The following CAMTA1 variants were observed in gnomAD, a reference collection of about 807,000 sequenced individuals.
The protein encoded by CAMTA1 is calmodulin binding transcription activator 1, also known as calmodulin-binding transcription activator 1.
CAMTA1 carries 27 observed loss-of-function variants against 170.9 expected under a neutral mutation model. The observed-to-expected ratio is 0.16, with a 90% CI of 0.12 to 0.22. The LOEUF is 0.22. CAMTA1 is among the 10% of genes least tolerant of loss of function. CAMTA1 has a pLI of 1.00. For missense variants in CAMTA1, 1,619 were observed against 2,217.2 expected (o/e 0.73, Z 5.42); for synonymous variants, 833 against 891.5 (o/e 0.93, Z 1.17).
intron 3 of CAMTA1, among the ~76,000 whole-genome samples, chr1:7,003,301 T>A (rs1255666178): frequency 1.3e-5 from 2 of 152,228 alleles, no homozygotes; most frequent in Non-Finnish European, 2.9e-5. Flanking sequence ...GGGTGTGCCT[T>A]CAGAATAACA....
chr1:7,175,634 T>C (rs1265630770), intron 4 of CAMTA1, among the ~76,000 whole-genome samples: 1 of 152,220 alleles, frequency 6.6e-6, no homozygotes, highest in Non-Finnish European at 1.5e-5. Flanking sequence ...AAACCCCAGG[T>C]CCAAATCCTG....
At chr1:7,160,910 A>G (rs4908602) in intron 4 of CAMTA1, among the ~76,000 whole-genome samples, 89,353 of 151,940 alleles carry the variant, frequency 0.59, 26,554 homozygotes, top group Admixed American at 0.64. Flanking sequence ...TGGTCCAGTC[A>G]TTCACCACTT....
At chr1:7,009,327 C>G (rs1228987795) in intron 3 of CAMTA1, among the ~76,000 whole-genome samples, 1 of 152,128 alleles carries the variant, frequency 6.6e-6, no homozygotes, top group Admixed American at 6.5e-5. Flanking sequence ...CAGAGATTCC[C>G]CAGAGGCGGC....
At chr1:6,860,768 C>G (rs940494840) in intron 3 of CAMTA1, among the ~76,000 whole-genome samples, 5 of 151,874 alleles carry the variant, frequency 3.3e-5, no homozygotes, top group African/African-American at 1.2e-4. Context: ...AAAAATTAGC[C>G]TGGCGTGGTG....
intron 4 of CAMTA1, among the ~76,000 whole-genome samples, chr1:7,163,567 G>A (rs894621249): frequency 6.6e-6 from 1 of 152,196 alleles, no homozygotes; most frequent in African/African-American, 2.4e-5. Flanking sequence ...AAATACTTTG[G>A]AATTGGTAAC....
intron 4 of CAMTA1, among the ~76,000 whole-genome samples, chr1:7,239,802 C>G (rs1165661514): frequency 6.6e-6 from 1 of 151,688 alleles, no homozygotes; most frequent in Non-Finnish European, 1.5e-5. Flanking sequence ...GAGCATGGCG[C>G]CTTGTGAGGG....
chr1:7,433,388 G>A (rs1167592204), intron 5 of CAMTA1, among the ~76,000 whole-genome samples: 1 of 152,206 alleles, frequency 6.6e-6, no homozygotes, highest in Non-Finnish European at 1.5e-5. Flanking sequence ...GCAGCTGGGA[G>A]CTTCTGAAAG....
At chr1:7,610,220 TAG>T (rs1469741337) in intron 6 of CAMTA1, among the ~76,000 whole-genome samples, 1 of 152,136 alleles carries the variant, frequency 6.6e-6, no homozygotes, top group Non-Finnish European at 1.5e-5. Context: ...GTTCAGCACA[TAG>T]AGACATTAAA....
Position 7,346,726 on chromosome 1 carries a change from G to A in CAMTA1, c.438+97100G>A, listed in dbSNP as rs189948393. Among the ~76,000 whole-genome samples, 247 of 152,304 alleles carry A rather than the reference G, an allele frequency of 1.6e-3. 1 individual carries two copies. The highest frequency in any genetic ancestry group is 2.6e-3 in the Non-Finnish European group (180 of 68,022). On this transcript the variant is annotated intron_variant, in intron 5 of 22. Coordinates refer to ENST00000303635, the MANE Select transcript of CAMTA1 (RefSeq NM_015215.4). ...CCAGCTCCATGGGGCCTGGCAGGAGGCGGCCCTCTCAGTGCTCTCGGCCCT... is the reference window on the plus strand; with the variant it reads ...CCAGCTCCATGGGGCCTGGCAGGAGACGGCCCTCTCAGTGCTCTCGGCCCT...
chr1:7,075,211 G>A (rs1471650954), intron 3 of CAMTA1, among the ~76,000 whole-genome samples: 1 of 152,134 alleles, frequency 6.6e-6, no homozygotes, highest in Non-Finnish European at 1.5e-5. Context: ...GTGTCCAAGG[G>A]TAGAAAGAAG....
intron 11 of CAMTA1, among the ~76,000 whole-genome samples, chr1:7,724,544 A>T (rs1031699910): frequency 6.6e-6 from 1 of 152,206 alleles, no homozygotes; most frequent in African/African-American, 2.4e-5. Flanking sequence ...AAAAGATTGC[A>T]TGTATGGGCC....
intron 11 of CAMTA1, among the ~76,000 whole-genome samples, chr1:7,686,735 G>A (rs968450056): frequency 6.6e-6 from 1 of 152,274 alleles, no homozygotes; most frequent in African/African-American, 2.4e-5. Flanking sequence ...GCGTCCGTTC[G>A]GGCAAGAGGC....
chr1:7,243,544 G>A (rs771916880), intron 4 of CAMTA1, among the ~76,000 whole-genome samples: 72 of 152,128 alleles, frequency 4.7e-4, no homozygotes, highest in Non-Finnish European at 7.1e-4. Context: ...TTGTAGATAC[G>A]CAGCATTATT....
chr1:7,015,224 T>A (rs1700359403), intron 3 of CAMTA1, among the ~76,000 whole-genome samples: 1 of 152,070 alleles, frequency 6.6e-6, no homozygotes, highest in African/African-American at 2.4e-5. Flanking sequence ...TTGGACCGAG[T>A]GGGATCAGTT....
chr1:6,947,846 G>T (rs1458601561), intron 3 of CAMTA1, among the ~76,000 whole-genome samples: 1 of 151,958 alleles, frequency 6.6e-6, no homozygotes, highest in Non-Finnish European at 1.5e-5. Flanking sequence ...ATATGGAAAT[G>T]CAATTGATTT....
At chr1:7,553,467 G>T (rs1045175801) in intron 6 of CAMTA1, among the ~76,000 whole-genome samples, 2 of 152,216 alleles carry the variant, frequency 1.3e-5, no homozygotes, top group Non-Finnish European at 2.9e-5. Context: ...CCATCCCACA[G>T]GGCTCCCCTG....
chr1:7,740,039 G>A (rs576358113), intron 16 of CAMTA1, among the ~76,000 whole-genome samples: 21 of 148,232 alleles, frequency 1.4e-4, no homozygotes, highest in African/African-American at 3.8e-4. Flanking sequence ...ATCACCTACC[G>A]ACCACTGCAG....
intron 5 of CAMTA1, among the ~76,000 whole-genome samples, chr1:7,378,977 C>A (rs775872947): frequency 2.6e-5 from 4 of 152,150 alleles, no homozygotes; most frequent in Non-Finnish European, 5.9e-5. Flanking sequence ...CTCTGACTTG[C>A]CTGGGTGGCC....
intron 6 of CAMTA1, among the ~76,000 whole-genome samples, chr1:7,475,172 A>C (rs1181387218): frequency 6.6e-6 from 1 of 152,184 alleles, no homozygotes; most frequent in Non-Finnish European, 1.5e-5. Flanking sequence ...TTATAGCTTC[A>C]TAAAAAATAC....
Sources: allele counts gnomAD v4.1 joint callset (sites outside exome capture counted in the v4.1 genomes callset), GRCh38; gene constraint gnomAD v4.1.1; transcripts MANE v1.5; gene names NCBI Gene and HGNC (gene_info 2026-07-23, HGNC 2026-07-21).